The following ZNF385B variants were observed in gnomAD, a reference collection of about 807,000 sequenced individuals.
The protein encoded by ZNF385B is zinc finger protein 533.
ZNF385B carries 23 observed loss-of-function variants against 39.2 expected under a neutral mutation model. The ratio of observed to expected loss-of-function variants is 0.59; its 90% CI spans 0.42 to 0.83. The LOEUF (loss-of-function observed/expected upper bound fraction) is 0.83, where lower values mean the gene tolerates loss of function less well. ZNF385B is among the 40% of genes least tolerant of loss of function. The pLI is 0.00. For missense variants in ZNF385B, 552 were observed against 598.9 expected, an observed-to-expected ratio of 0.92 and a Z score of 0.82; for synonymous variants, 205 against 222.6, an observed-to-expected ratio of 0.92 and a Z score of 0.70.
At chr2:179,444,239 G>A (rs751903340) in intron 9 of ZNF385B, among the ~76,000 whole-genome samples, 1 of 152,214 alleles carries the variant, frequency 6.6e-6, no homozygotes, top group Non-Finnish European at 1.5e-5. Flanking sequence ...AGCTGGACAA[G>A]CTCAGCTTCA....
intron 3 of ZNF385B, among the ~76,000 whole-genome samples, chr2:179,723,803 ATAT>A (rs1277038269): frequency 5.3e-5 from 8 of 152,128 alleles, no homozygotes; most frequent in Non-Finnish European, 1.0e-4. Context: ...CTTTCTGAAA[ATAT>A]TATATATTTT....
intron 6 of ZNF385B, among the ~76,000 whole-genome samples, chr2:179,473,891 T>A (rs962102501): frequency 6.6e-6 from 1 of 152,144 alleles, no homozygotes; most frequent in Non-Finnish European, 1.5e-5. Flanking sequence ...TATTCCATGG[T>A]GTATATGTGG....
intron 1 of ZNF385B, among the ~76,000 whole-genome samples, chr2:179,851,707 C>T (rs1484661327): frequency 6.6e-6 from 1 of 152,142 alleles, no homozygotes; most frequent in Non-Finnish European, 1.5e-5. Context: ...TTTTTAATGT[C>T]ATTTTTGTTC....
chr2:179,568,479 C>A (rs1402153257), intron 3 of ZNF385B, among the ~76,000 whole-genome samples: 1 of 152,184 alleles, frequency 6.6e-6, no homozygotes, highest in Non-Finnish European at 1.5e-5. Context: ...CCATACTTTT[C>A]CAGCATTTTC....
chr2:179,625,648 C>T (rs1290446866), intron 3 of ZNF385B, among the ~76,000 whole-genome samples: 2 of 151,938 alleles, frequency 1.3e-5, no homozygotes, highest in Non-Finnish European at 2.9e-5. Context: ...GGAAAGATGC[C>T]AGATCCCTAA....
intron 6 of ZNF385B, among the ~76,000 whole-genome samples, chr2:179,448,676 T>G (rs1302076735): frequency 6.6e-6 from 1 of 152,146 alleles, no homozygotes; most frequent in Non-Finnish European, 1.5e-5. Context: ...ATGAGGAAAC[T>G]GAGCCTTTTC....
intron 3 of ZNF385B, among the ~76,000 whole-genome samples, chr2:179,616,413 A>C (rs1689741669): frequency 6.6e-6 from 1 of 152,170 alleles, no homozygotes; most frequent in South Asian, 2.1e-4. Flanking sequence ...GGCTCACTGC[A>C]ACCTCCACCT....
chr2:179,489,147 G>A (rs965733293), intron 5 of ZNF385B, among the ~76,000 whole-genome samples: 3 of 152,160 alleles, frequency 2.0e-5, no homozygotes, highest in East Asian at 1.9e-4. Context: ...GCCGGGCTCC[G>A]AAGTGGCAGA....
At chr2:179,607,302 A>G (rs1484430010) in intron 3 of ZNF385B, among the ~76,000 whole-genome samples, 2 of 152,040 alleles carry the variant, frequency 1.3e-5, no homozygotes, top group African/African-American at 4.8e-5. Flanking sequence ...ACCTGGTGGG[A>G]AGTGATTGGA....
At chr2:179,592,578 A>G (rs1224381166) in intron 3 of ZNF385B, among the ~76,000 whole-genome samples, 1 of 152,222 alleles carries the variant, frequency 6.6e-6, no homozygotes, top group East Asian at 1.9e-4. Flanking sequence ...TTAATTGGGA[A>G]GAACACTGAA....
At chr2:179,698,264 T>C (rs1157399683) in intron 3 of ZNF385B, among the ~76,000 whole-genome samples, 2 of 152,040 alleles carry the variant, frequency 1.3e-5, no homozygotes, top group Non-Finnish European at 2.9e-5. Context: ...GAAGGAAACA[T>C]AGTTTGATAT....
intron 1 of ZNF385B, among the ~76,000 whole-genome samples, chr2:179,801,761 TA>T (rs1706050906): frequency 6.6e-6 from 1 of 151,948 alleles, no homozygotes; most frequent in Admixed American, 6.6e-5. Context: ...AGTGGTCTTC[TA>T]ATGCATCTAC....
chr2:179,699,418 T>C (rs1699005290), intron 3 of ZNF385B, among the ~76,000 whole-genome samples: 1 of 152,246 alleles, frequency 6.6e-6, no homozygotes, highest in African/African-American at 2.4e-5. Flanking sequence ...TGATTTAACA[T>C]AGTCATTTGT....
At chr2:179,669,101 C>T (rs1695568697) in intron 3 of ZNF385B, among the ~76,000 whole-genome samples, 1 of 152,146 alleles carries the variant, frequency 6.6e-6, no homozygotes. Flanking sequence ...ACTTGAGTGT[C>T]AGAAGATGCT....
chr2:179,488,083 A>T (rs1361637842), intron 5 of ZNF385B, among the ~76,000 whole-genome samples: 1 of 152,238 alleles, frequency 6.6e-6, no homozygotes, highest in Non-Finnish European at 1.5e-5. Context: ...ACAAAAATGT[A>T]ACCCAAAAAC....
intron 6 of ZNF385B, among the ~76,000 whole-genome samples, chr2:179,448,970 T>A (rs986229873): frequency 6.6e-6 from 1 of 152,182 alleles, no homozygotes. Flanking sequence ...TGTATAAAAT[T>A]ATATATTTTC....
At chr2:179,558,697 G>C (rs2061120003) in intron 3 of ZNF385B, among the ~76,000 whole-genome samples, 1 of 151,706 alleles carries the variant, frequency 6.6e-6, no homozygotes, top group Non-Finnish European at 1.5e-5. Context: ...AAGGCCACCA[G>C]AATTACAATG....
At chr2:179,597,221 C>A (rs1022716892) in intron 3 of ZNF385B, among the ~76,000 whole-genome samples, 13 of 152,202 alleles carry the variant, frequency 8.5e-5, no homozygotes, top group Non-Finnish European at 1.8e-4. Flanking sequence ...GGCAGCACGC[C>A]ACTTCAGGTA....
chr2:179,466,245 A>C (rs2052000114), intron 6 of ZNF385B, among the ~76,000 whole-genome samples: 2 of 152,158 alleles, frequency 1.3e-5, no homozygotes, highest in South Asian at 4.1e-4. Context: ...TGGCAGGTCT[A>C]GTATTTTGAT....
Sources: allele counts gnomAD v4.1 joint callset (sites outside exome capture counted in the v4.1 genomes callset), GRCh38; gene constraint gnomAD v4.1.1; transcripts MANE v1.5; gene names NCBI Gene and HGNC (gene_info 2026-07-23, HGNC 2026-07-21).